The following RORB variants were observed in gnomAD, a reference collection of about 807,000 sequenced individuals.
RORB encodes nuclear receptor ROR-beta.
A neutral mutation model predicts 59.1 loss-of-function variants in RORB; 6 were observed. The observed-to-expected ratio is 0.10, with a 90% confidence interval of 0.06 to 0.20. RORB has a LOEUF of 0.20. RORB is among the 10% of genes least tolerant of loss of function. RORB has a pLI of 1.00. For synonymous variants in RORB, 215 were observed against 204.5 expected, an observed-to-expected ratio of 1.05 and a Z score of -0.44; for missense variants, 320 against 560.5, an observed-to-expected ratio of 0.57 and a Z score of 4.33.
rs564982775 is a variant in RORB at position 74,520,432 on chromosome 9, T to C, written c.7+22449T>C. Among the ~76,000 whole-genome samples the C allele has an allele frequency of 4.6e-5, 7 of 151,940 alleles. No individual in the cohort carries two copies. In the South Asian group the frequency reaches 1.2e-3, roughly 27 times the overall value. ...CTTTCTGCCCTACTTATGTTCTGCA[T>C]CGGCTAGGATCGTTTACCTACTCCT... On this transcript the variant is annotated intron_variant, in intron 1 of 9. Transcript: ENST00000376896.
chr9:74,607,170 G>A (rs1350789160), intron 1 of RORB, among the ~76,000 whole-genome samples: 2 of 152,182 alleles, frequency 1.3e-5, no homozygotes, highest in African/African-American at 4.8e-5. Flanking sequence ...CCAAATAATA[G>A]AAGTCTTCAT....
chr9:74,669,790 G>A (rs896703033), intron 8 of RORB, among the ~76,000 whole-genome samples: 1 of 152,050 alleles, frequency 6.6e-6, no homozygotes, highest in Non-Finnish European at 1.5e-5. Context: ...ATTTTTCAAT[G>A]AAACTGGAAG....
chr9:74,605,215 A>T lies in RORB; in HGVS notation c.8-25067A>T, dbSNP rs72729294. ...AAAAATGGTAATGATGAAAATGTCGACCCAGCCTAATGTCTATGATTAAAA... is the reference window on the plus strand; with the variant it reads ...AAAAATGGTAATGATGAAAATGTCGTCCCAGCCTAATGTCTATGATTAAAA... On this transcript the variant is annotated intron_variant, in intron 1 of 9. Transcript: ENST00000376896. Among the ~76,000 whole-genome samples, 437 of 152,312 alleles carry T rather than the reference A, an allele frequency of 2.9e-3. 1 individual carries two copies. Among genetic ancestry groups the T allele is most frequent in the Non-Finnish European group, 3.4e-3 (233 of 68,016 alleles).
chr9:74,562,579 T>C (rs1822410807), intron 1 of RORB, among the ~76,000 whole-genome samples: 1 of 152,164 alleles, frequency 6.6e-6, no homozygotes, highest in Non-Finnish European at 1.5e-5. Context: ...CTGACATTTT[T>C]TTCTCCCTAC....
At chr9:74,631,665 G>A (rs551884434) in intron 2 of RORB, among the ~76,000 whole-genome samples, 1 of 152,184 alleles carries the variant, frequency 6.6e-6, no homozygotes, top group African/African-American at 2.4e-5. Flanking sequence ...AGAAGAAGGA[G>A]CATGATATTA....
At chr9:74,551,105 T>C (rs1439971704) in intron 1 of RORB, among the ~76,000 whole-genome samples, 1 of 152,182 alleles carries the variant, frequency 6.6e-6, no homozygotes, top group African/African-American at 2.4e-5. Flanking sequence ...CTAGAGATAA[T>C]GTATGCGCAC....
At chr9:74,644,475 A>G (rs1823863580) in intron 4 of RORB, among the ~76,000 whole-genome samples, 2 of 152,318 alleles carry the variant, frequency 1.3e-5, no homozygotes, top group Admixed American at 6.5e-5. Context: ...GAGATGTCTC[A>G]TAACTTCCCA....
At chr9:74,655,495 G>T (rs1824064636) in intron 4 of RORB, among the ~76,000 whole-genome samples, 1 of 152,176 alleles carries the variant, frequency 6.6e-6, no homozygotes, top group Non-Finnish European at 1.5e-5. Context: ...ATGTGAGATT[G>T]CCCAGAAAGA....
intron 1 of RORB, among the ~76,000 whole-genome samples, chr9:74,557,213 C>T (rs1384709274): frequency 6.6e-6 from 1 of 152,118 alleles, no homozygotes; most frequent in Non-Finnish European, 1.5e-5. Flanking sequence ...AGGCTTAAGC[C>T]AGTCATCACA....
At chr9:74,590,635 C>T (rs1028129266) in intron 1 of RORB, among the ~76,000 whole-genome samples, 1 of 152,160 alleles carries the variant, frequency 6.6e-6, no homozygotes, top group African/African-American at 2.4e-5. Context: ...TCAAGTGAGA[C>T]CTCTGGTCCA....
intron 1 of RORB, among the ~76,000 whole-genome samples, chr9:74,602,235 G>C (rs947784710): frequency 6.6e-6 from 1 of 152,164 alleles, no homozygotes; most frequent in African/African-American, 2.4e-5. Context: ...TTTTTCCTCA[G>C]ATAAAAATCG....
chr9:74,661,167 T>C (rs1824173835), intron 5 of RORB, among the ~76,000 whole-genome samples: 1 of 152,206 alleles, frequency 6.6e-6, no homozygotes, highest in South Asian at 2.1e-4. Flanking sequence ...CTAAAGTTTT[T>C]TCTTGCCCTG....
Position 74,687,729 on chromosome 9 carries a change from CAG to C in RORB, c.*2114_*2115del, listed in dbSNP as rs372312996. On this transcript the variant is annotated 3_prime_UTR_variant, in exon 10 of 10. Coordinates refer to ENST00000376896, the MANE Select transcript of RORB (RefSeq NM_006914.4). Reference sequence around the variant, plus strand: ...GCTCTTTGTATAAAGAATTAATTCCCAGAGTCATATTTCCTTCTAATGGAAAG... The same window carrying C: ...GCTCTTTGTATAAAGAATTAATTCCCAGTCATATTTCCTTCTAATGGAAAG... 1.4e-4 allele frequency: 21 copies of C among 152,236 alleles called. No homozygotes were observed. The East Asian group carries it at 3.3e-3, about 24-fold the overall frequency. 9.4% of individuals were successfully genotyped at this position (152,236 alleles called of 1,614,324 possible).
intron 1 of RORB, among the ~76,000 whole-genome samples, chr9:74,566,277 T>G (rs554950432): frequency 6.6e-6 from 1 of 152,232 alleles, no homozygotes; most frequent in East Asian, 1.9e-4. Flanking sequence ...ATCTAAACTT[T>G]TTAAGTTAGA....
At chr9:74,618,767 G>A (rs1367048234) in intron 1 of RORB, among the ~76,000 whole-genome samples, 1 of 151,252 alleles carries the variant, frequency 6.6e-6, no homozygotes, top group African/African-American at 2.4e-5. Context: ...GTGTGTGTGT[G>A]TATATTGTGG....
intron 1 of RORB, among the ~76,000 whole-genome samples, chr9:74,590,628 A>G (rs1312238174): frequency 1.3e-5 from 2 of 152,206 alleles, no homozygotes; most frequent in Non-Finnish European, 2.9e-5. Context: ...TGTCATGTCA[A>G]GTGAGACCTC....
intron 1 of RORB, among the ~76,000 whole-genome samples, chr9:74,567,368 A>G (rs1200456726): frequency 6.6e-6 from 1 of 152,144 alleles, no homozygotes; most frequent in African/African-American, 2.4e-5. Context: ...AGTCCCAGGA[A>G]AGCTGGATGG....
At chr9:74,654,336 GAGAGAGAGAGA>G (rs1563965326) in intron 4 of RORB, among the ~76,000 whole-genome samples, 4 of 706 alleles carry the variant, frequency 5.7e-3, no homozygotes, top group African/African-American at 0.015. Context: ...TCTCAGGGGA[GAGAGAGAGAGA>G]GAGAGAGAGA....
intron 2 of RORB, 25 bp downstream of exon 2, chr9:74,630,392 T>C (rs776316980): frequency 5.7e-6 from 9 of 1,582,316 alleles, no homozygotes; most frequent in Non-Finnish European, 7.8e-6. Context: ...TACAGCACGG[T>C]TCTGTATTTG....
Sources: gnomAD v4.1 joint callset for allele counts (sites outside exome capture counted in the v4.1 genomes callset) on GRCh38, gnomAD v4.1.1 for gene constraint, MANE v1.5 for transcripts, NCBI Gene and HGNC (gene_info 2026-07-23, HGNC 2026-07-21) for gene names.